Variants in VWDE observed in about 807,000 individuals in gnomAD.
VWDE encodes the protein von Willebrand factor D and EGF domains, also known as von Willebrand factor D and EGF domain-containing protein.
VWDE carries 207 observed loss-of-function variants against 178.4 expected under a neutral mutation model. The observed-to-expected ratio is 1.16, with a 90% CI of 1.04 to 1.30. The LOEUF (loss-of-function observed/expected upper bound fraction) is 1.30, where lower values mean the gene tolerates loss of function less well. Ranked by LOEUF, VWDE falls within the 50% of genes most tolerant of loss-of-function variation. The pLI is 0.00. For synonymous variants in VWDE, 738 were observed against 651.4 expected, an observed-to-expected ratio of 1.13 and a Z score of -2.02; for missense variants, 2,287 against 1,901.3, an observed-to-expected ratio of 1.20 and a Z score of -3.77.
chr7:12,367,210 T>C, intron 13 of VWDE, 147 bp downstream of exon 13: 1 of 537,844 alleles, frequency 1.9e-6, no homozygotes, highest in Non-Finnish European at 2.9e-6. Context: ...GTCAACATTA[T>C]GTAACTTAAT....
At chr7:12,392,213 G>C (rs1784419150) in intron 2 of VWDE, among the ~76,000 whole-genome samples, 2 of 152,196 alleles carry the variant, frequency 1.3e-5, no homozygotes, top group South Asian at 4.1e-4. Flanking sequence ...CTACCTAAAA[G>C]CATCACTGAG....
chr7:12,370,549 A>C (rs768954683), intron 11 of VWDE, 40 bp from the exon 12 acceptor site: 3 of 1,528,192 alleles, frequency 2.0e-6, no homozygotes, highest in Admixed American at 2.0e-5. Context: ...AATTTTGTAC[A>C]TAAACATTTG....
rs73678104 is a variant in VWDE, at chr7:12,356,330, C to A, written c.3526G>T (p.Val1176Leu). Reference sequence around the variant, plus strand: ...AAGCAATCACAAGACTTCACAGTCACCTACAAAACAAAAAAAAAGGAAATG... The same window carrying A: ...AAGCAATCACAAGACTTCACAGTCAACTACAAAACAAAAAAAAAGGAAATG... ...CDAETRVTIE[V>L]TVKSCDCLNG... Residue 1176 changes from valine (V) to leucine (L), a missense_variant and splice_region_variant, in exon 18 of 29, where the codon GTG becomes TTG. Coordinates refer to ENST00000275358, the MANE Select transcript of VWDE (RefSeq NM_001135924.3). 4,935 of 1,545,050 alleles carry A rather than the reference C, an allele frequency of 3.2e-3. 128 individuals are homozygous for A. The African/African-American group carries it at 0.059, about 18-fold the overall frequency.
In VWDE at chr7:12,393,700, T is replaced by C. The variant is rs373987215; in HGVS notation, c.137A>G (p.Gln46Arg). 5.8e-6 allele frequency: 9 copies of C among 1,551,168 alleles called. No homozygotes were observed. Among genetic ancestry groups the C allele is most frequent in the African/African-American group, 1.4e-5 (1 of 73,010 alleles). Residue 46 changes from glutamine (Q) to arginine (R), a missense_variant, in exon 2 of 29, where the codon CAG becomes CGG. By Grantham distance (43) the Gln-to-Arg change is conservative (BLOSUM62 1). Coordinates refer to ENST00000275358, the MANE Select transcript of VWDE (RefSeq NM_001135924.3). ...RSVRFDSWHL[Q>R]QSAVQDLICD... ...TATTAGGTCTTGAACAGCTGACTGCTGGAGGTGCCATGAGTCAAAACGGAC... is the reference window on the plus strand; with the variant it reads ...TATTAGGTCTTGAACAGCTGACTGCCGGAGGTGCCATGAGTCAAAACGGAC...
At chr7:12,342,189 G>A (rs1481486739) in intron 22 of VWDE, 35 bp from the exon 23 acceptor site, 1 of 1,523,826 alleles carries the variant, frequency 6.6e-7, no homozygotes, top group Non-Finnish European at 8.9e-7. Context: ...AGAAAGATTA[G>A]GCTTGGAGTA....
chr7:12,341,095 A>G (rs1168799055), intron 23 of VWDE, among the ~76,000 whole-genome samples: 2 of 152,198 alleles, frequency 1.3e-5, no homozygotes, highest in Non-Finnish European at 2.9e-5. Flanking sequence ...TTTCAATAAC[A>G]TTACTTATCA....
At chr7:12,383,063 T>C in intron 4 of VWDE, among the ~76,000 whole-genome samples, 1 of 152,114 alleles carries the variant, frequency 6.6e-6, no homozygotes, top group Non-Finnish European at 1.5e-5. Context: ...TTCTATACTT[T>C]AATGGTGTTT....
In VWDE at chr7:12,369,919, G is replaced by C. The variant is rs1335054105; in HGVS notation, c.2387C>G (p.Pro796Arg). 21 of 1,551,290 alleles carry C rather than the reference G, an allele frequency of 1.4e-5. No homozygotes were observed. Among genetic ancestry groups the C allele is most frequent in the Non-Finnish European group, 1.7e-5 (19 of 1,146,898 alleles). ...DVQQEFFPSW[P>R]TPSGLTEYST... ...ATACTCGGTGAGGCCAGAGGGAGTGGGCCAAGAGGGGAAAAACTCTTGCTG... is the reference window on the plus strand; with the variant it reads ...ATACTCGGTGAGGCCAGAGGGAGTGCGCCAAGAGGGGAAAAACTCTTGCTG... Residue 796 changes from proline to arginine, a missense_variant, in exon 12 of 29, where the codon CCC (proline) becomes CGC (arginine). Transcript: ENST00000275358.
At chr7:12,380,772 G>T (rs1783814254) in intron 4 of VWDE, 39 bp from the exon 5 acceptor site, 2 of 1,546,226 alleles carry the variant, frequency 1.3e-6, no homozygotes, top group South Asian at 1.2e-5. Context: ...GGGAATCTTA[G>T]ACAATGGAGA....
In VWDE at chr7:12,389,409, T is replaced by C. The variant is rs2128561089; in HGVS notation, c.244-51A>G. 3.9e-6 allele frequency: 5 copies of C among 1,295,382 alleles called. No individual in the cohort carries two copies. In the South Asian group the frequency reaches 4.1e-5, roughly 11 times the overall value. 80.2% of individuals were successfully genotyped at this position (1,295,382 alleles called of 1,614,324 possible). On this transcript the variant is annotated intron_variant, in intron 2 of 28. Transcript: ENST00000275358. ...TGAAAATTCAGTTTATTTTCATCCA[T>C]TGTAGATATATCAACTTTGCATTTT...
At chr7:12,348,853 T>G (rs949223554) in intron 19 of VWDE, among the ~76,000 whole-genome samples, 18 of 151,584 alleles carry the variant, frequency 1.2e-4, no homozygotes, top group Admixed American at 7.2e-4. Context: ...TAGACTGGAT[T>G]AAGAAAATGT....
chr7:12,331,191 G>A lies in VWDE; in HGVS notation c.4765C>T (p.Arg1589Cys), dbSNP rs1004135106. ...CATATACTTGATGCTACTCAATGGCGTCTTATCTGTAGTAGGAAGAAGGAA... is the reference window on the plus strand; with the variant it reads ...CATATACTTGATGCTACTCAATGGCATCTTATCTGTAGTAGGAAGAAGGAA... ...VKCEKKIQIR[R>C]H is the part of the protein sequence containing the mutation. The change falls in exon 29 of 29, where the codon CGC (arginine) becomes TGC (cysteine). Residue 1589 changes from arginine (R) to cysteine (C), a missense_variant. Coordinates refer to ENST00000275358, the MANE Select transcript of VWDE (RefSeq NM_001135924.3). The A allele has an allele frequency of 7.0e-5, 107 of 1,539,518 alleles. No homozygotes were observed. The highest frequency in any genetic ancestry group is 2.0e-4 in the East Asian group (8 of 40,704).
chr7:12,398,090 C>G (rs1583360917), intron 1 of VWDE, among the ~76,000 whole-genome samples: 1 of 152,154 alleles, frequency 6.6e-6, no homozygotes, highest in East Asian at 1.9e-4. Flanking sequence ...ATTATTCTAC[C>G]AAAAACACAC....
At chr7:12,346,939 C>G (rs1213563829) in intron 19 of VWDE, among the ~76,000 whole-genome samples, 1 of 151,986 alleles carries the variant, frequency 6.6e-6, no homozygotes, top group Non-Finnish European at 1.5e-5. Context: ...CAAAAATAAT[C>G]CTTAACATAG....
chr7:12,340,819 T>C (rs1781288089), intron 23 of VWDE, among the ~76,000 whole-genome samples: 1 of 152,196 alleles, frequency 6.6e-6, no homozygotes. Flanking sequence ...ACAGGATGGT[T>C]TGTAATCTGT....
Position 12,367,711 on chromosome 7 carries a change from T to C in VWDE, c.2762-218A>G, listed in dbSNP as rs554256725. On this transcript the variant is annotated intron_variant, in intron 12 of 28. Coordinates refer to ENST00000275358, the MANE Select transcript of VWDE (RefSeq NM_001135924.3). ...AAACCAATAATAATATTACAAACAC[T>C]ACCAGTCCTAAAATCACAGGTTTCA... 3.3e-5 allele frequency among the ~76,000 whole-genome samples: 5 copies of C among 152,190 alleles called. No homozygotes were observed. The East Asian group carries it at 9.7e-4, about 29-fold the overall frequency.
At chr7:12,353,548 CA>C (rs1193790841) in intron 18 of VWDE, among the ~76,000 whole-genome samples, 3 of 152,172 alleles carry the variant, frequency 2.0e-5, no homozygotes, top group Non-Finnish European at 4.4e-5. Context: ...TGGCCAAGTA[CA>C]ATCAACTTGC....
intron 19 of VWDE, among the ~76,000 whole-genome samples, chr7:12,344,823 G>A (rs559487026): frequency 7.2e-5 from 11 of 152,118 alleles, no homozygotes; most frequent in African/African-American, 1.2e-4. Flanking sequence ...CTGTAATCTC[G>A]AAAGAGTTGG....
intron 2 of VWDE, among the ~76,000 whole-genome samples, chr7:12,390,749 A>G (rs1208802940): frequency 1.3e-5 from 2 of 152,018 alleles, no homozygotes; most frequent in Non-Finnish European, 2.9e-5. Context: ...TAATAAATAC[A>G]TGAGAATATT....
Sources: gnomAD v4.1 joint callset for allele counts (sites outside exome capture counted in the v4.1 genomes callset) on GRCh38, gnomAD v4.1.1 for gene constraint, MANE v1.5 for transcripts, NCBI Gene and HGNC (gene_info 2026-07-23, HGNC 2026-07-21) for gene names.